The following SOX5 variants were observed in gnomAD, a reference collection of about 807,000 sequenced individuals.
SOX5 encodes the protein SRY-box transcription factor 5, also known as transcription factor SOX-5.
In SOX5, 9 loss-of-function variants were observed where a neutral mutation model predicts 92.0. The observed-to-expected ratio is 0.10, with a 90% confidence interval of 0.06 to 0.17. The LOEUF (loss-of-function observed/expected upper bound fraction) is 0.17, where lower values mean the gene tolerates loss of function less well. Among genes scored for constraint, SOX5 ranks in the 10% least tolerant of loss-of-function variants. SOX5 has a pLI of 1.00. For synonymous variants in SOX5, 344 were observed against 336.3 expected, an observed-to-expected ratio of 1.02 and a Z score of -0.25; for missense variants, 642 against 944.5, an observed-to-expected ratio of 0.68 and a Z score of 4.20.
At chr12:24,130,030 T>C (rs554427139) in intron 4 of SOX5, among the ~76,000 whole-genome samples, 37 of 152,284 alleles carry the variant, frequency 2.4e-4, no homozygotes, top group African/African-American at 8.4e-4. Flanking sequence ...ATAGTGTATA[T>C]TGCATGTATC....
At chr12:24,306,377 T>C (rs1948563609) in intron 2 of SOX5, among the ~76,000 whole-genome samples, 2 of 152,160 alleles carry the variant, frequency 1.3e-5, no homozygotes, top group South Asian at 4.1e-4. Flanking sequence ...TGGCCCTCAA[T>C]CTATGATTCT....
At chr12:24,330,270 A>G (rs1463995397) in intron 2 of SOX5, among the ~76,000 whole-genome samples, 1 of 152,226 alleles carries the variant, frequency 6.6e-6, no homozygotes, top group African/African-American at 2.4e-5. Context: ...AGGGAAAAGA[A>G]AAACTTAGGT....
intron 1 of SOX5, among the ~76,000 whole-genome samples, chr12:24,395,448 G>A (rs1375170894): frequency 1.3e-5 from 2 of 152,160 alleles, no homozygotes; most frequent in African/African-American, 4.8e-5. Context: ...TCTCTAATCT[G>A]TTGTGTGGCT....
At chr12:23,902,454 T>A (rs181250159) in intron 1 of SOX5, among the ~76,000 whole-genome samples, 1 of 152,192 alleles carries the variant, frequency 6.6e-6, no homozygotes, top group African/African-American at 2.4e-5. Flanking sequence ...AAAATAAATA[T>A]CTAGAAAGAG....
At chr12:24,328,938 C>T (rs1951001352) in intron 2 of SOX5, among the ~76,000 whole-genome samples, 1 of 152,072 alleles carries the variant, frequency 6.6e-6, no homozygotes, top group African/African-American at 2.4e-5. Context: ...ACTACAGAAA[C>T]ATGCTTAAAA....
intron 1 of SOX5, among the ~76,000 whole-genome samples, chr12:23,908,175 C>G (rs2097313301): frequency 6.6e-6 from 1 of 151,942 alleles, no homozygotes; most frequent in East Asian, 1.9e-4. Flanking sequence ...ATTAAGTAAC[C>G]AGTCTAGTTT....
In SOX5 at chr12:23,976,820, T is replaced by TTG. The variant is rs1569354884; in HGVS notation, c.-1-80797_-1-80796insCA. Among the ~76,000 whole-genome samples the TTG allele has an allele frequency of 4.6e-5, 7 of 151,738 alleles. No homozygotes were observed. The South Asian group carries it at 8.3e-4, about 18-fold the overall frequency. On this transcript the variant is annotated intron_variant, in intron 4 of 4. Coordinates refer to the SOX5 transcript ENST00000446891. ...CTTGTTTTTTTCTGTTGTTGTTGTT[T>TTG]TTTTTTTTAAAACAAAAACAAAAAC...
intron 4 of SOX5, among the ~76,000 whole-genome samples, chr12:23,975,304 T>C (rs1397941274): frequency 6.6e-6 from 1 of 152,154 alleles, no homozygotes; most frequent in Non-Finnish European, 1.5e-5. Context: ...ACCAGAACTT[T>C]ACTCTTAAGA....
At chr12:24,107,231 A>G (rs1946792782) in intron 4 of SOX5, among the ~76,000 whole-genome samples, 1 of 152,110 alleles carries the variant, frequency 6.6e-6, no homozygotes, top group East Asian at 1.9e-4. Context: ...CACAACCAAA[A>G]TGTGAGTATC....
chr12:23,637,862 AGCCGGAGGTG>A (rs370274611), intron 8 of SOX5: 11 of 152,590 alleles, frequency 7.2e-5, no homozygotes, highest in African/African-American at 2.7e-4. Flanking sequence ...AGTTTTCTAA[AGCCGGAGGTG>A]GGTTGCTGGA....
intron 1 of SOX5, among the ~76,000 whole-genome samples, chr12:23,918,331 C>T (rs186046924): frequency 5.3e-5 from 8 of 152,198 alleles, no homozygotes; most frequent in East Asian, 1.9e-4. Flanking sequence ...GGGGTAACAA[C>T]GGCATACAAT....
At chr12:23,633,835 T>A (rs2078870352) in intron 8 of SOX5, among the ~76,000 whole-genome samples, 1 of 152,162 alleles carries the variant, frequency 6.6e-6, no homozygotes, top group Admixed American at 6.6e-5. Flanking sequence ...ATATAGGAAT[T>A]CTCAAGTATT....
intron 8 of SOX5, among the ~76,000 whole-genome samples, chr12:23,621,808 C>G (rs2077214434): frequency 6.6e-6 from 1 of 152,120 alleles, no homozygotes; most frequent in Non-Finnish European, 1.5e-5. Flanking sequence ...TCAACCCACC[C>G]TTCACTGACT....
In SOX5 at chr12:24,298,434, C is replaced by T. The variant is rs575926090; in HGVS notation, c.-173-21122G>A. ...GATCTTACAAAACATTATCAAACTT[C>T]TCTTCCAATTCCAAGTGTATTAAAA... On this transcript the variant is annotated intron_variant, in intron 2 of 4. Transcript: ENST00000446891. Among the ~76,000 whole-genome samples the T allele has an allele frequency of 2.0e-5, 3 of 152,284 alleles. No individual in the cohort carries two copies. The South Asian group carries it at 6.2e-4, about 32-fold the overall frequency.
At chr12:24,398,704 C>A (rs1483184259) in intron 1 of SOX5, among the ~76,000 whole-genome samples, 1 of 152,208 alleles carries the variant, frequency 6.6e-6, no homozygotes, top group African/African-American at 2.4e-5. Flanking sequence ...AAATTCCTGA[C>A]AGGAGAGAAC....
At chr12:24,376,807 G>A (rs1161927098) in intron 1 of SOX5, among the ~76,000 whole-genome samples, 2 of 143,490 alleles carry the variant, frequency 1.4e-5, no homozygotes, top group Non-Finnish European at 3.0e-5. Context: ...CCTAGGCTCA[G>A]GTGATCCTCC....
intron 4 of SOX5, among the ~76,000 whole-genome samples, chr12:24,062,137 T>C (rs140082076): frequency 1.1e-3 from 171 of 152,270 alleles, no homozygotes; most frequent in African/African-American, 4.0e-3. Flanking sequence ...CCCAATAAGA[T>C]AGTTGCCAAA....
At chr12:23,724,089 AC>A (rs1444227746) in intron 6 of SOX5, among the ~76,000 whole-genome samples, 1 of 152,216 alleles carries the variant, frequency 6.6e-6, no homozygotes, top group African/African-American at 2.4e-5. Context: ...GAAATAAATT[AC>A]TTTTAAAAAA....
intron 4 of SOX5, among the ~76,000 whole-genome samples, chr12:24,182,958 T>C (rs905176298): frequency 6.6e-6 from 1 of 152,108 alleles, no homozygotes; most frequent in Non-Finnish European, 1.5e-5. Flanking sequence ...AGGTGATCCA[T>C]CTGCCTTAGC....
Sources: allele counts gnomAD v4.1 joint callset (sites outside exome capture counted in the v4.1 genomes callset), GRCh38; gene constraint gnomAD v4.1.1; transcripts MANE v1.5; gene names NCBI Gene and HGNC (gene_info 2026-07-23, HGNC 2026-07-21).